Variants in GRIN2A observed in about 807,000 individuals in gnomAD.
GRIN2A encodes the protein glutamate receptor ionotropic, NMDA 2A.
GRIN2A carries 22 observed loss-of-function variants against 113.4 expected under a neutral mutation model. That is an observed-to-expected ratio of 0.19 (90% CI 0.14 to 0.28). The LOEUF (loss-of-function observed/expected upper bound fraction) is 0.28. GRIN2A is among the 10% of genes least tolerant of loss of function. GRIN2A has a pLI of 1.00. For missense variants in GRIN2A, 1,502 were observed against 1,887.0 expected (o/e 0.80, Z 3.78); for synonymous variants, 827 against 738.4 (o/e 1.12, Z -1.94).
At position 9,759,933 on chromosome 16, in the gene GRIN2A, T is replaced by G. The variant is rs1472529031; in HGVS notation, c.*3216A>C. 1 of 231,034 alleles carries G rather than the reference T, an allele frequency of 4.3e-6. No individual in the cohort carries two copies. Among genetic ancestry groups the G allele is most frequent in the Non-Finnish European group, 8.6e-6 (1 of 116,784 alleles). 14.3% of individuals were successfully genotyped at this position (231,034 alleles called of 1,614,324 possible). The stretch of plus-strand genomic sequence containing the variant: ...TAGAAGACTCTCTTACCCAGAGTAT[T>G]TTAAATTGGTTGCATGTGCGTGCTA... On this transcript the variant is annotated 3_prime_UTR_variant, in exon 13 of 13. Coordinates refer to ENST00000330684, the MANE Select transcript of GRIN2A (RefSeq NM_001134407.3).
chr16:10,110,609 G>T (rs574657396), intron 2 of GRIN2A, among the ~76,000 whole-genome samples: 2 of 152,194 alleles, frequency 1.3e-5, no homozygotes, highest in African/African-American at 4.8e-5. Flanking sequence ...ATATTTCAAA[G>T]ATAAAACCAA....
chr16:10,059,810 A>G (rs2142004698), intron 2 of GRIN2A, among the ~76,000 whole-genome samples: 1 of 152,252 alleles, frequency 6.6e-6, no homozygotes, highest in South Asian at 2.1e-4. Flanking sequence ...ATGTGTTTAT[A>G]CAATTTTAGA....
intron 10 of GRIN2A, among the ~76,000 whole-genome samples, chr16:9,804,597 G>C (rs143687847): frequency 6.6e-6 from 1 of 152,020 alleles, no homozygotes; most frequent in Non-Finnish European, 1.5e-5. Context: ...GACACCATCT[G>C]ACACACTGGG....
At chr16:9,901,999 C>T (rs553343155) in intron 3 of GRIN2A, among the ~76,000 whole-genome samples, 3 of 152,206 alleles carry the variant, frequency 2.0e-5, no homozygotes, top group Non-Finnish European at 4.4e-5. Context: ...CCTGAATTCT[C>T]ACCCAAAGAA....
intron 2 of GRIN2A, among the ~76,000 whole-genome samples, chr16:9,968,462 C>T (rs552389087): frequency 5.3e-5 from 8 of 152,090 alleles, no homozygotes; most frequent in East Asian, 1.9e-4. Context: ...TACAGGCATG[C>T]GCCACCACAC....
intron 2 of GRIN2A, among the ~76,000 whole-genome samples, chr16:9,999,378 G>C (rs574539994): frequency 1.3e-5 from 2 of 152,216 alleles, no homozygotes; most frequent in Non-Finnish European, 2.9e-5. Context: ...TAAAGAAAAT[G>C]TGGCACATAT....
At chr16:9,896,190 C>T (rs955240597) in intron 3 of GRIN2A, among the ~76,000 whole-genome samples, 10 of 152,092 alleles carry the variant, frequency 6.6e-5, no homozygotes, top group Non-Finnish European at 1.5e-4. Context: ...GCTGGGATTA[C>T]AGGTACCTGC....
chr16:10,129,174 C>T (rs577447439), intron 2 of GRIN2A, among the ~76,000 whole-genome samples: 1 of 152,122 alleles, frequency 6.6e-6, no homozygotes, highest in East Asian at 1.9e-4. Flanking sequence ...TTTCTGGGCT[C>T]AAGTGATCGT....
At chr16:10,099,565 G>C (rs956071439) in intron 2 of GRIN2A, among the ~76,000 whole-genome samples, 11 of 152,164 alleles carry the variant, frequency 7.2e-5, no homozygotes, top group African/African-American at 1.9e-4. Context: ...ATACTATCTG[G>C]AGCTGCTGTC....
intron 9 of GRIN2A, among the ~76,000 whole-genome samples, chr16:9,823,548 A>G (rs2042329057): frequency 1.3e-5 from 2 of 152,206 alleles, no homozygotes; most frequent in African/African-American, 4.8e-5. Flanking sequence ...TTTTTCTATG[A>G]AACATTGAAT....
chr16:9,798,795 T>G (rs1193351651), intron 10 of GRIN2A, among the ~76,000 whole-genome samples: 3 of 152,322 alleles, frequency 2.0e-5, no homozygotes, highest in South Asian at 2.1e-4. Flanking sequence ...TAGAAAGGTT[T>G]GCATCAGAAC....
intron 10 of GRIN2A, 61 bp from the exon 11 acceptor site, chr16:9,798,525 T>C (rs1303330036): frequency 7.9e-7 from 1 of 1,272,046 alleles, no homozygotes; most frequent in Non-Finnish European, 1.1e-6. Flanking sequence ...GGGGTCCAGC[T>C]CCTGAGGCCT....
intron 2 of GRIN2A, among the ~76,000 whole-genome samples, chr16:10,043,080 C>T (rs1043601972): frequency 1.3e-5 from 2 of 152,278 alleles, no homozygotes; most frequent in African/African-American, 4.8e-5. Flanking sequence ...AAACATACCC[C>T]AACTCATTCA....
chr16:10,089,674 G>A (rs1397391204), intron 2 of GRIN2A, among the ~76,000 whole-genome samples: 1 of 152,122 alleles, frequency 6.6e-6, no homozygotes, highest in Non-Finnish European at 1.5e-5. Flanking sequence ...ATCTAACACT[G>A]TTAGACATAT....
chr16:9,934,705 A>AAAAAAGG (rs2044671747), intron 3 of GRIN2A, among the ~76,000 whole-genome samples: 1 of 146,642 alleles, frequency 6.8e-6, no homozygotes. Flanking sequence ...AAAAAAAAAA[A>AAAAAAGG]GGAGATATAA....
chr16:9,953,939 C>T (rs1388014277), intron 2 of GRIN2A, among the ~76,000 whole-genome samples: 1 of 152,136 alleles, frequency 6.6e-6, no homozygotes, highest in African/African-American at 2.4e-5. Context: ...CACTTTCCAA[C>T]TGCCCCATGC....
At chr16:10,085,967 C>T (rs757737815) in intron 2 of GRIN2A, among the ~76,000 whole-genome samples, 22 of 152,274 alleles carry the variant, frequency 1.4e-4, no homozygotes, top group African/African-American at 4.8e-4. Flanking sequence ...AAAAATGTCA[C>T]GTCTGTCACA....
At chr16:9,989,080 T>C (rs570048894) in intron 2 of GRIN2A, among the ~76,000 whole-genome samples, 1 of 152,182 alleles carries the variant, frequency 6.6e-6, no homozygotes, top group South Asian at 2.1e-4. Context: ...GGTTGATGAA[T>C]GGGCAAGGCA....
intron 4 of GRIN2A, among the ~76,000 whole-genome samples, chr16:9,856,564 G>A (rs980567178): frequency 6.7e-6 from 1 of 149,550 alleles, no homozygotes; most frequent in South Asian, 2.1e-4. Flanking sequence ...GGCCGAGCTT[G>A]CAGTGAGCCG....
Sources: gnomAD v4.1 joint callset for allele counts (sites outside exome capture counted in the v4.1 genomes callset) on GRCh38, gnomAD v4.1.1 for gene constraint, MANE v1.5 for transcripts, NCBI Gene and HGNC (gene_info 2026-07-23, HGNC 2026-07-21) for gene names.